GRM7: variants seen among roughly 807,000 people sequenced by gnomAD.
GRM7 encodes glutamate metabotropic receptor 7, also known as metabotropic glutamate receptor 7.
A neutral mutation model predicts 84.5 loss-of-function variants in GRM7; 35 were observed. The observed-to-expected ratio is 0.41, with a 90% CI of 0.32 to 0.55. GRM7 has a LOEUF of 0.55. Among genes scored for constraint, GRM7 ranks in the 20% least tolerant of loss-of-function variants. The pLI is 0.19. For synonymous variants in GRM7, 487 were observed against 455.1 expected, an observed-to-expected ratio of 1.07 and a Z score of -0.89; for missense variants, 1,003 against 1,194.6, an observed-to-expected ratio of 0.84 and a Z score of 2.36.
intron 7 of GRM7, among the ~76,000 whole-genome samples, chr3:7,479,625 C>G (rs1372789687): frequency 1.3e-5 from 2 of 152,176 alleles, no homozygotes; most frequent in Non-Finnish European, 2.9e-5. Flanking sequence ...TCACTGTATG[C>G]CAGTCACTAT....
intron 1 of GRM7, among the ~76,000 whole-genome samples, chr3:6,918,069 T>C (rs1163799457): frequency 6.6e-6 from 1 of 152,198 alleles, no homozygotes; most frequent in African/African-American, 2.4e-5. Flanking sequence ...TGCTTGCTTT[T>C]AATGAAAGCT....
intron 1 of GRM7, among the ~76,000 whole-genome samples, chr3:7,041,531 T>C (rs1310550931): frequency 6.6e-6 from 1 of 152,246 alleles, no homozygotes; most frequent in African/African-American, 2.4e-5. Flanking sequence ...CAGCGCTTGC[T>C]GAACATTTGT....
intron 1 of GRM7, among the ~76,000 whole-genome samples, chr3:6,873,372 C>T (rs1695196026): frequency 6.6e-6 from 1 of 152,134 alleles, no homozygotes; most frequent in African/African-American, 2.4e-5. Context: ...CTTGGCCAGC[C>T]AGTAATTTTT....
At chr3:7,670,045 C>T (rs149309778) in intron 8 of GRM7, among the ~76,000 whole-genome samples, 1 of 147,090 alleles carries the variant, frequency 6.8e-6, no homozygotes, top group East Asian at 1.9e-4. Flanking sequence ...TAGGTTCCAG[C>T]TGTTGAAGTG....
chr3:7,302,057 C>A (rs1287934026), intron 3 of GRM7, among the ~76,000 whole-genome samples: 1 of 151,968 alleles, frequency 6.6e-6, no homozygotes, highest in East Asian at 1.9e-4. Flanking sequence ...AACACATGCT[C>A]ATTGTAAATC....
chr3:7,578,015 G>A (rs1695044431), intron 7 of GRM7, among the ~76,000 whole-genome samples: 1 of 152,122 alleles, frequency 6.6e-6, no homozygotes, highest in Non-Finnish European at 1.5e-5. Flanking sequence ...CTTGATTTGG[G>A]ACATTTATAC....
chr3:7,692,593 AATTTTCACCAT>A (rs1424007454), intron 9 of GRM7, among the ~76,000 whole-genome samples: 1 of 152,172 alleles, frequency 6.6e-6, no homozygotes, highest in Non-Finnish European at 1.5e-5. Context: ...TAATATTAGA[AATTTTCACCAT>A]ATTTTCACTA....
chr3:7,182,557 A>G (rs1695375185), intron 2 of GRM7, among the ~76,000 whole-genome samples: 1 of 152,214 alleles, frequency 6.6e-6, no homozygotes, highest in South Asian at 2.1e-4. Context: ...TTATGTTTCT[A>G]CGCTTAGCTC....
intron 1 of GRM7, among the ~76,000 whole-genome samples, chr3:7,121,894 G>T (rs1373550432): frequency 6.6e-6 from 1 of 152,158 alleles, no homozygotes; most frequent in Non-Finnish European, 1.5e-5. Context: ...TCTCGTGAAT[G>T]GGTGAAAGTC....
At position 6,862,207 on chromosome 3, in the gene GRM7, G is replaced by C. The variant is rs1694777983; in HGVS notation, c.519+300G>C. Among the ~76,000 whole-genome samples the C allele has an allele frequency of 6.6e-6, 1 of 152,106 alleles. No homozygotes were observed. The highest frequency in any genetic ancestry group is 1.5e-5 in the Non-Finnish European group (1 of 68,022). Reference sequence around the variant, plus strand: ...CGATGATTTAAATGGGTTTGCATTAGGGTGAAATATGGTCCGAAAACAGGC... The same window carrying C: ...CGATGATTTAAATGGGTTTGCATTACGGTGAAATATGGTCCGAAAACAGGC... On this transcript the variant is annotated intron_variant, in intron 1 of 9. Coordinates refer to ENST00000357716, the MANE Select transcript of GRM7 (RefSeq NM_000844.4). This position sits in a 1 kb window ranked among gnomAD's most constrained non-coding sequence, Gnocchi z 5.2.
rs574571330 is a variant in GRM7 at position 7,479,298 on chromosome 3, C to T, written c.1515+17576C>T. Among the ~76,000 whole-genome samples the T allele has an allele frequency of 1.2e-4, 19 of 152,072 alleles. No individual in the cohort carries two copies. The East Asian group carries it at 1.4e-3, about 11-fold the overall frequency. ...CCTCAAAATGGTGGTGAGGAAGCTT[C>T]GGTACTCATCTACAACTCTCATGCC... On this transcript the variant is annotated intron_variant, in intron 7 of 9. Coordinates refer to ENST00000357716, the MANE Select transcript of GRM7 (RefSeq NM_000844.4).
At position 6,973,987 on chromosome 3, in the gene GRM7, A is replaced by G. The variant is rs565989946; in HGVS notation, c.519+112080A>G. ...AACTGAACAGAGAGACCAGTTACCC[A>G]GCTCCTATAAAAAGCCAGGAGGGAT... On this transcript the variant is annotated intron_variant, in intron 1 of 9. Transcript: ENST00000357716. Among the ~76,000 whole-genome samples the G allele has an allele frequency of 8.5e-5, 13 of 152,360 alleles. No individual in the cohort carries two copies. The South Asian group carries it at 1.2e-3, about 15-fold the overall frequency.
chr3:7,470,014 A>C (rs768241530), intron 7 of GRM7, among the ~76,000 whole-genome samples: 10 of 152,048 alleles, frequency 6.6e-5, no homozygotes, highest in Non-Finnish European at 1.5e-4. Flanking sequence ...ATGTGTCCTT[A>C]CTCCCCATGC....
chr3:7,648,140 CTTCT>C (rs1295379584), intron 8 of GRM7, among the ~76,000 whole-genome samples: 1 of 151,942 alleles, frequency 6.6e-6, no homozygotes, highest in East Asian at 1.9e-4. Context: ...AGCTTTCATT[CTTCT>C]TTAAGAGTTT....
chr3:7,026,822 T>G (rs976347979), intron 1 of GRM7, among the ~76,000 whole-genome samples: 1 of 152,062 alleles, frequency 6.6e-6, no homozygotes, highest in Non-Finnish European at 1.5e-5. Flanking sequence ...AAATATGGGG[T>G]TTTAGTGCAG....
chr3:7,674,781 T>A (rs1429590225), intron 8 of GRM7, among the ~76,000 whole-genome samples: 2 of 152,228 alleles, frequency 1.3e-5, no homozygotes, highest in Non-Finnish European at 2.9e-5. Context: ...GCACAGCACA[T>A]ACGCCAGTCC....
chr3:7,488,723 C>T (rs13060154), intron 7 of GRM7, among the ~76,000 whole-genome samples: 74,719 of 151,940 alleles, frequency 0.49, 18,749 homozygotes, highest in East Asian at 0.7. Context: ...TACCCAGCCT[C>T]GGATGTTCTG....
intron 1 of GRM7, among the ~76,000 whole-genome samples, chr3:6,987,095 C>T (rs1013247479): frequency 6.6e-6 from 1 of 152,132 alleles, no homozygotes; most frequent in Non-Finnish European, 1.5e-5. Context: ...TCTTTCGTTT[C>T]CTTCTAATCC....
chr3:7,388,470 A>G (rs144699156), intron 4 of GRM7, among the ~76,000 whole-genome samples: 19 of 152,188 alleles, frequency 1.2e-4, no homozygotes, highest in Non-Finnish European at 2.8e-4. Flanking sequence ...TGAGTTAGGG[A>G]GAAGTCTCTC....
Sources: allele counts gnomAD v4.1 joint callset (sites outside exome capture counted in the v4.1 genomes callset), GRCh38; gene constraint gnomAD v4.1.1; non-coding constraint Gnocchi (gnomAD v3.1); transcripts MANE v1.5; gene names NCBI Gene and HGNC (gene_info 2026-07-23, HGNC 2026-07-21).